The following CFAP299 variants were observed in gnomAD, a reference collection of about 807,000 sequenced individuals.
The protein encoded by CFAP299 is cilia and flagella associated protein 299, also known as cilia- and flagella-associated protein 299.
Under a neutral mutation model 27.0 loss-of-function variants are expected in CFAP299, and 21 were observed. The ratio of observed to expected loss-of-function variants is 0.78; its 90% CI spans 0.55 to 1.12. The LOEUF is 1.12. Among genes scored for constraint, CFAP299 ranks in the 50% most tolerant of loss-of-function variants. CFAP299 has a pLI of 0.00. For missense variants in CFAP299, 310 were observed against 276.6 expected, an observed-to-expected ratio of 1.12 and a Z score of -0.86; for synonymous variants, 104 against 98.1, an observed-to-expected ratio of 1.06 and a Z score of -0.36.
At chr4:80,716,100 C>A (rs1722464139) in intron 3 of CFAP299, among the ~76,000 whole-genome samples, 1 of 151,840 alleles carries the variant, frequency 6.6e-6, no homozygotes, top group South Asian at 2.1e-4. Flanking sequence ...TATAAACCCA[C>A]AAATACAAAT....
At chr4:80,468,558 G>A (rs778771081) in intron 2 of CFAP299, among the ~76,000 whole-genome samples, 5 of 151,916 alleles carry the variant, frequency 3.3e-5, no homozygotes, top group Non-Finnish European at 7.4e-5. Flanking sequence ...AGTGAGGCTG[G>A]GCATGGCGAC....
chr4:80,499,976 T>TG (rs1457428080), intron 2 of CFAP299, among the ~76,000 whole-genome samples: 2 of 110,306 alleles, frequency 1.8e-5, no homozygotes, highest in Non-Finnish European at 3.5e-5. Context: ...TCATTTTTTT[T>TG]TTGTTTGTTT....
At chr4:80,766,379 T>C (rs1196458471) in intron 3 of CFAP299, among the ~76,000 whole-genome samples, 2 of 152,170 alleles carry the variant, frequency 1.3e-5, no homozygotes, top group Non-Finnish European at 2.9e-5. Flanking sequence ...TTTGCTGTTT[T>C]TAAACAATTA....
chr4:80,349,023 C>A lies in CFAP299; in HGVS notation c.111+13144C>A, dbSNP rs1253993228. 2.0e-5 allele frequency among the ~76,000 whole-genome samples: 3 copies of A among 152,250 alleles called. No homozygotes were observed. The East Asian group carries it at 5.8e-4, about 29-fold the overall frequency. ...GGTGTCTGGTCCTGGAGCCTGAAGT[C>A]ACACTGAGACCTGCAAGGATAACCT... On this transcript the variant is annotated intron_variant, in intron 1 of 5. Transcript: ENST00000358105.
chr4:80,458,072 T>C (rs535310947), intron 2 of CFAP299, among the ~76,000 whole-genome samples: 1 of 152,194 alleles, frequency 6.6e-6, no homozygotes, highest in African/African-American at 2.4e-5. Flanking sequence ...CTCACAGCTC[T>C]GAATGCTCAG....
At chr4:80,856,569 T>C (rs977403233) in intron 3 of CFAP299, among the ~76,000 whole-genome samples, 1 of 151,910 alleles carries the variant, frequency 6.6e-6, no homozygotes, top group African/African-American at 2.4e-5. Context: ...CCATCTTGAA[T>C]TAATTTTTGT....
chr4:80,709,173 G>C (rs909362200), intron 3 of CFAP299, among the ~76,000 whole-genome samples: 4 of 152,166 alleles, frequency 2.6e-5, no homozygotes, highest in Admixed American at 6.6e-5. Flanking sequence ...TCAGTAACTA[G>C]AGAAACTCAT....
At chr4:80,446,823 A>C (rs1436573921) in intron 2 of CFAP299, among the ~76,000 whole-genome samples, 3 of 152,246 alleles carry the variant, frequency 2.0e-5, no homozygotes, top group African/African-American at 4.8e-5. Flanking sequence ...CAGAAATTTA[A>C]TAATAGTTTC....
At chr4:80,467,996 C>T (rs1243847959) in intron 2 of CFAP299, among the ~76,000 whole-genome samples, 1 of 152,124 alleles carries the variant, frequency 6.6e-6, no homozygotes, top group Admixed American at 6.5e-5. Context: ...CTTCTCTTGA[C>T]CTGTGGGGAT....
intron 1 of CFAP299, among the ~76,000 whole-genome samples, chr4:80,347,377 A>G (rs1470381449): frequency 6.6e-6 from 1 of 151,842 alleles, no homozygotes; most frequent in Non-Finnish European, 1.5e-5. Flanking sequence ...TGCTTCCAGT[A>G]TTTTCCCATT....
At chr4:80,535,284 C>G (rs892790801) in intron 2 of CFAP299, among the ~76,000 whole-genome samples, 1 of 151,740 alleles carries the variant, frequency 6.6e-6, no homozygotes, top group African/African-American at 2.4e-5. Flanking sequence ...GAAAGGGGAC[C>G]CTTCCCTCAT....
intron 2 of CFAP299, among the ~76,000 whole-genome samples, chr4:80,484,772 A>T (rs1233493163): frequency 6.6e-6 from 1 of 152,176 alleles, no homozygotes; most frequent in Non-Finnish European, 1.5e-5. Context: ...CTTAGTACAG[A>T]TGTCGGCATC....
intron 3 of CFAP299, among the ~76,000 whole-genome samples, chr4:80,735,709 C>A (rs1390603159): frequency 6.6e-6 from 1 of 151,934 alleles, no homozygotes; most frequent in African/African-American, 2.4e-5. Context: ...GGTTTTTGTC[C>A]TTCATTCTGT....
chr4:80,615,868 G>A (rs1483642376), intron 3 of CFAP299, among the ~76,000 whole-genome samples: 1 of 152,140 alleles, frequency 6.6e-6, no homozygotes, highest in Admixed American at 6.6e-5. Context: ...GCCCAAGAGT[G>A]AAATGGGCTT....
chr4:80,819,724 A>C (rs1432761373), intron 3 of CFAP299, among the ~76,000 whole-genome samples: 2 of 152,162 alleles, frequency 1.3e-5, no homozygotes, highest in Non-Finnish European at 2.9e-5. Context: ...CCAATTCATA[A>C]AATCCAAAAA....
At chr4:80,514,316 T>G (rs1732469840) in intron 2 of CFAP299, among the ~76,000 whole-genome samples, 1 of 152,098 alleles carries the variant, frequency 6.6e-6, no homozygotes, top group Non-Finnish European at 1.5e-5. Context: ...ATGTTATTAA[T>G]CTTTCCAGAT....
At chr4:80,692,067 A>G (rs534889791) in intron 3 of CFAP299, among the ~76,000 whole-genome samples, 44 of 152,370 alleles carry the variant, frequency 2.9e-4, no homozygotes, top group South Asian at 1.2e-3. Flanking sequence ...ATGGAAGAGC[A>G]TTCTATGCTC....
At chr4:80,646,401 T>C (rs1740012154) in intron 3 of CFAP299, among the ~76,000 whole-genome samples, 2 of 152,178 alleles carry the variant, frequency 1.3e-5, no homozygotes, top group African/African-American at 4.8e-5. Flanking sequence ...TGATGATTGC[T>C]AGAGACATAT....
chr4:80,631,350 G>T (rs1243383705), intron 3 of CFAP299, among the ~76,000 whole-genome samples: 1 of 152,022 alleles, frequency 6.6e-6, no homozygotes. Flanking sequence ...ATGAGAGTCA[G>T]TGCAAATACT....
Sources: gnomAD v4.1 joint callset for allele counts (sites outside exome capture counted in the v4.1 genomes callset) on GRCh38, gnomAD v4.1.1 for gene constraint, MANE v1.5 for transcripts, NCBI Gene and HGNC (gene_info 2026-07-23, HGNC 2026-07-21) for gene names.